LDLRAD4: variants seen among roughly 807,000 people sequenced by gnomAD.
LDLRAD4 encodes low density lipoprotein receptor class A domain containing 4.
A neutral mutation model predicts 17.0 loss-of-function variants in LDLRAD4; 5 were observed. The ratio of observed to expected loss-of-function variants is 0.29; its 90% CI spans 0.15 to 0.62. The LOEUF is 0.62. LDLRAD4 is among the 20% of genes least tolerant of loss of function. The pLI is 0.84. For missense variants in LDLRAD4, 340 were observed against 424.7 expected (o/e 0.80, Z 1.75); for synonymous variants, 168 against 171.8 (o/e 0.98, Z 0.17).
chr18:13,267,579 C>T lies in LDLRAD4; in HGVS notation c.-466-10526C>T, dbSNP rs770229526. On this transcript the variant is annotated intron_variant, in intron 1 of 5. Coordinates refer to the LDLRAD4 transcript ENST00000399848. ...ATGTATGAGATCAGCCGTCAGTTTT[C>T]GCTCAGATCCAGCTCCTGCTGCTGT... Among the ~76,000 whole-genome samples the T allele has an allele frequency of 3.3e-5, 5 of 152,250 alleles. No individual in the cohort carries two copies. The East Asian group carries it at 5.8e-4, about 18-fold the overall frequency.
intron 1 of LDLRAD4, among the ~76,000 whole-genome samples, chr18:13,316,818 C>T (rs533063561): frequency 2.0e-5 from 3 of 151,958 alleles, no homozygotes; most frequent in East Asian, 1.9e-4. Context: ...AAAACTGAAC[C>T]GATAAGAAGT....
intron 3 of LDLRAD4, among the ~76,000 whole-genome samples, chr18:13,553,179 T>C (rs1295503766): frequency 6.6e-6 from 1 of 152,244 alleles, no homozygotes; most frequent in East Asian, 1.9e-4. Context: ...TTATAGCTTG[T>C]GATTTGTTCA....
At chr18:13,273,233 C>T (rs562817612), upstream of LDLRAD4, among the ~76,000 whole-genome samples, 7 of 152,088 alleles carry the variant, frequency 4.6e-5, no homozygotes, top group East Asian at 5.8e-4. Context: ...CCAGCTGCTC[C>T]GTGTGTTTTC....
At chr18:13,482,751 T>C (rs1351212329) in intron 3 of LDLRAD4, among the ~76,000 whole-genome samples, 1 of 152,170 alleles carries the variant, frequency 6.6e-6, no homozygotes, top group Non-Finnish European at 1.5e-5. Flanking sequence ...TGACAAGTTA[T>C]GGGAAGGTGA....
rs201350029 is a variant in LDLRAD4, at chr18:13,588,914, CT to C, written c.182-32193del. On this transcript the variant is annotated intron_variant, in intron 3 of 5. Coordinates refer to ENST00000359446, the Ensembl canonical transcript of LDLRAD4. ...AGCACTCTGCCATCTTTTTCCTTTT[CT>C]TTTTTTTTTCTTTTTTTCTTTTTTT... Among the ~76,000 whole-genome samples the C allele has an allele frequency of 9.2e-4, 136 of 147,032 alleles. 1 individual carries two copies. The East Asian group carries it at 0.021, about 22-fold the overall frequency.
At chr18:13,218,034 C>T (rs1229257391), upstream of LDLRAD4, 2 of 151,452 alleles carry the variant, frequency 1.3e-5, no homozygotes, top group Non-Finnish European at 2.9e-5. Flanking sequence ...GCCAGCAGGG[C>T]CGGTGGCCGC....
At chr18:13,606,443 T>C (rs138053551) in intron 3 of LDLRAD4, among the ~76,000 whole-genome samples, 103 of 152,324 alleles carry the variant, frequency 6.8e-4, no homozygotes, top group Middle Eastern at 3.4e-3. Context: ...TTTAATACAT[T>C]TGTAATCCGC....
Position 13,622,121 on chromosome 18 carries a change from C to G in LDLRAD4, c.336+850C>G, listed in dbSNP as rs1007485465. ...AGGAGCCGGTCCTTACGGAGCATCC[C>G]TCTTCAGGAACAGGGCTGTGCAGTT... On this transcript the variant is annotated intron_variant, in intron 4 of 5. Transcript: ENST00000359446. This position sits in a 1 kb window ranked among gnomAD's most constrained non-coding sequence, Gnocchi z 5.3. Among the ~76,000 whole-genome samples the G allele has an allele frequency of 1.3e-5, 2 of 152,204 alleles. No homozygotes were observed. Among genetic ancestry groups the G allele is most frequent in the African/African-American group, 4.8e-5 (2 of 41,442 alleles).
At chr18:13,247,530 A>G (rs1567929965) in intron 1 of LDLRAD4, among the ~76,000 whole-genome samples, 2 of 152,024 alleles carry the variant, frequency 1.3e-5, no homozygotes, top group African/African-American at 4.8e-5. Context: ...TTAACTTTTT[A>G]TTACGGTAAA....
chr18:13,642,958 C>G (rs567598066), intron 4 of LDLRAD4, among the ~76,000 whole-genome samples: 6 of 144,888 alleles, frequency 4.1e-5, no homozygotes, highest in Non-Finnish European at 7.5e-5. Flanking sequence ...TTTTTTGATA[C>G]GGAGTCTCAC....
exon 3 of LDLRAD4, chr18:13,438,312 G>T (rs2146165966): frequency 6.2e-7 from 1 of 1,613,516 alleles, no homozygotes; most frequent in South Asian, 1.1e-5. Flanking sequence ...CCAACAGAAC[G>T]ACTGTGGGGA....
At chr18:13,222,688 T>G (rs2041528746) in intron 1 of LDLRAD4, among the ~76,000 whole-genome samples, 1 of 152,210 alleles carries the variant, frequency 6.6e-6, no homozygotes, top group African/African-American at 2.4e-5. Context: ...CTTGCTTTTA[T>G]TTTTGGCTCT....
intron 3 of LDLRAD4, among the ~76,000 whole-genome samples, chr18:13,479,618 C>T (rs971023386): frequency 7.1e-5 from 10 of 141,004 alleles, no homozygotes; most frequent in African/African-American, 2.2e-4. Context: ...GAGACTCCAT[C>T]TAAAAAAAGA....
intron 1 of LDLRAD4, among the ~76,000 whole-genome samples, chr18:13,322,713 G>C (rs1262328277): frequency 1.3e-5 from 2 of 151,634 alleles, no homozygotes; most frequent in Non-Finnish European, 2.9e-5. Context: ...TGCCTCCCGA[G>C]TTCAAAAAAT....
chr18:13,262,735 C>T (rs2043953173), intron 1 of LDLRAD4, among the ~76,000 whole-genome samples: 1 of 88,790 alleles, frequency 1.1e-5, no homozygotes, highest in African/African-American at 5.9e-5. Context: ...CGGCTCCGTG[C>T]GTTGGGGCTG....
intron 1 of LDLRAD4, among the ~76,000 whole-genome samples, chr18:13,284,897 A>G (rs368603096): frequency 2.6e-5 from 4 of 152,174 alleles, no homozygotes; most frequent in African/African-American, 9.7e-5. Flanking sequence ...AGCAGTCCCC[A>G]TAAGTCACAT....
chr18:13,424,251 T>A (rs899143083), intron 2 of LDLRAD4, among the ~76,000 whole-genome samples: 1 of 152,200 alleles, frequency 6.6e-6, no homozygotes, highest in Non-Finnish European at 1.5e-5. Flanking sequence ...GCTGTAATAT[T>A]TAATGGCTTT....
intron 1 of LDLRAD4, among the ~76,000 whole-genome samples, chr18:13,338,412 G>A (rs1424384503): frequency 8.0e-6 from 1 of 124,818 alleles, no homozygotes; most frequent in Non-Finnish European, 1.7e-5. Flanking sequence ...AGAGAGATCC[G>A]AAAACAGTTC....
In LDLRAD4 at chr18:13,300,750, G is replaced by A. The variant is rs191968373; in HGVS notation, c.-383+22562G>A. On this transcript the variant is annotated intron_variant, in intron 1 of 5. Transcript: ENST00000359446. This position sits in a 1 kb window ranked among gnomAD's most constrained non-coding sequence, Gnocchi z 4.2. The stretch of plus-strand genomic sequence containing the variant: ...AGGGAATGCATTGGGTTGTATTTCA[G>A]TGAGGGGTCTAGGCTGCTGAGGATT... Among the ~76,000 whole-genome samples, 1 of 152,356 alleles carries A rather than the reference G, an allele frequency of 6.6e-6. No homozygotes were observed. The highest frequency in any genetic ancestry group is 2.4e-5 in the African/African-American group (1 of 41,582).
Sources: gnomAD v4.1 joint callset for allele counts (sites outside exome capture counted in the v4.1 genomes callset) on GRCh38, gnomAD v4.1.1 for gene constraint, Gnocchi (gnomAD v3.1) non-coding constraint, MANE v1.5 for transcripts, NCBI Gene and HGNC (gene_info 2026-07-23, HGNC 2026-07-21) for gene names.